Variants in RIMS2 observed in about 807,000 individuals in gnomAD.
RIMS2 encodes the protein regulating synaptic membrane exocytosis 2.
Under a neutral mutation model 174.4 loss-of-function variants are expected in RIMS2, and 59 were observed. That is an observed-to-expected ratio of 0.34 (90% CI 0.27 to 0.42). The LOEUF is 0.42. Among genes scored for constraint, RIMS2 ranks in the 10% least tolerant of loss-of-function variants. The pLI, the probability that RIMS2 is intolerant of heterozygous loss-of-function variation, is 1.00. For missense variants in RIMS2, 1,620 were observed against 1,666.3 expected, an observed-to-expected ratio of 0.97 and a Z score of 0.48; for synonymous variants, 606 against 572.5, an observed-to-expected ratio of 1.06 and a Z score of -0.84.
intron 17 of RIMS2, among the ~76,000 whole-genome samples, chr8:103,992,170 G>A (rs1016336841): frequency 2.0e-5 from 3 of 151,522 alleles, no homozygotes; most frequent in Admixed American, 2.0e-4. Flanking sequence ...GTTCAATGGC[G>A]TTTTCTCAGC....
intron 1 of RIMS2, among the ~76,000 whole-genome samples, chr8:103,572,614 G>A (rs2092916711): frequency 6.6e-6 from 1 of 151,464 alleles, no homozygotes; most frequent in Non-Finnish European, 1.5e-5. Flanking sequence ...GGTGTGAGAT[G>A]TATCTCATTG....
At chr8:104,112,845 A>C (rs1332787781) in intron 19 of RIMS2, among the ~76,000 whole-genome samples, 1 of 152,216 alleles carries the variant, frequency 6.6e-6, no homozygotes, top group Non-Finnish European at 1.5e-5. Context: ...TCCCTATTTC[A>C]GTCGTTTTTA....
chr8:103,795,426 C>T (rs994334437), intron 3 of RIMS2, among the ~76,000 whole-genome samples: 13 of 115,320 alleles, frequency 1.1e-4, no homozygotes, highest in Admixed American at 1.1e-3. Flanking sequence ...CACACTGGGG[C>T]ATGTTGTGGG....
intron 12 of RIMS2, among the ~76,000 whole-genome samples, chr8:103,934,020 G>A (rs1595425191): frequency 6.6e-6 from 1 of 152,058 alleles, no homozygotes; most frequent in African/African-American, 2.4e-5. Flanking sequence ...GTAATGTACT[G>A]TGTACTCTAA....
At chr8:103,929,484 T>C (rs2079474963) in intron 11 of RIMS2, among the ~76,000 whole-genome samples, 1 of 151,892 alleles carries the variant, frequency 6.6e-6, no homozygotes, top group South Asian at 2.1e-4. Flanking sequence ...TTCTTAAATG[T>C]AACATTTATT....
chr8:103,626,749 C>A (rs1248325896), intron 1 of RIMS2, among the ~76,000 whole-genome samples: 1 of 151,854 alleles, frequency 6.6e-6, no homozygotes, highest in Non-Finnish European at 1.5e-5. Flanking sequence ...CCGGGGGTGT[C>A]ATCACATATT....
chr8:103,946,989 G>A (rs947325568), intron 14 of RIMS2, among the ~76,000 whole-genome samples: 1 of 152,058 alleles, frequency 6.6e-6, no homozygotes, highest in African/African-American at 2.4e-5. Flanking sequence ...TCAATGGGGG[G>A]GAATAGTTTT....
chr8:104,020,706 A>T (rs993335570), intron 19 of RIMS2, among the ~76,000 whole-genome samples: 1 of 152,070 alleles, frequency 6.6e-6, no homozygotes, highest in East Asian at 1.9e-4. Flanking sequence ...GAATTATTTT[A>T]AAAACATTTT....
rs752051870 is a variant in RIMS2 at position 103,766,213 on chromosome 8, G to T, written c.388-14G>T. 4.8e-5 allele frequency: 75 copies of T among 1,573,156 alleles called. No individual in the cohort carries two copies. In the South Asian group the frequency reaches 8.6e-4, roughly 18 times the overall value. Reference sequence around the variant, plus strand: ...GGGAACACTAATTTTTTCCCCCTATGTCTTCATGTGCAGGTTATGTGGGTA... The same window carrying T: ...GGGAACACTAATTTTTTCCCCCTATTTCTTCATGTGCAGGTTATGTGGGTA... On this transcript the variant is annotated splice_polypyrimidine_tract_variant and intron_variant, in intron 2 of 23. Transcript: ENST00000504942.
chr8:103,816,917 A>T (rs550225400), intron 3 of RIMS2, among the ~76,000 whole-genome samples: 1 of 152,214 alleles, frequency 6.6e-6, no homozygotes, highest in African/African-American at 2.4e-5. Context: ...TTTTAACAGT[A>T]AATGTTGATT....
intron 1 of RIMS2, among the ~76,000 whole-genome samples, chr8:103,691,245 G>A (rs2097020574): frequency 6.6e-6 from 1 of 152,116 alleles, no homozygotes; most frequent in South Asian, 2.1e-4. Context: ...GGTTTGGGAA[G>A]TTCTCTGTTA....
chr8:103,659,462 A>T (rs1400699171), intron 1 of RIMS2, among the ~76,000 whole-genome samples: 1 of 152,202 alleles, frequency 6.6e-6, no homozygotes, highest in Non-Finnish European at 1.5e-5. Flanking sequence ...GGAAGAAGGT[A>T]GTCAAGCACA....
chr8:103,932,890 C>T (rs1309685326), intron 12 of RIMS2, among the ~76,000 whole-genome samples: 2 of 152,132 alleles, frequency 1.3e-5, no homozygotes, highest in South Asian at 2.1e-4. Context: ...GGTGTGGTGG[C>T]TCATGCCTGT....
intron 1 of RIMS2, chr8:103,568,567 G>T (rs976045826): frequency 2.0e-5 from 10 of 488,990 alleles, no homozygotes; most frequent in Non-Finnish European, 4.0e-5. Context: ...GAAGAGACTG[G>T]CCATGGGTAC....
intron 3 of RIMS2, among the ~76,000 whole-genome samples, chr8:103,863,419 A>G (rs545988437): frequency 1.3e-5 from 2 of 152,046 alleles, no homozygotes; most frequent in South Asian, 4.2e-4. Context: ...TTCTTGTGGT[A>G]TGTCTGCCAG....
chr8:103,737,315 C>T (rs1222982375), intron 2 of RIMS2, among the ~76,000 whole-genome samples: 1 of 150,948 alleles, frequency 6.6e-6, no homozygotes, highest in Non-Finnish European at 1.5e-5. Context: ...TCCTGAGTAG[C>T]TGGGATTACA....
intron 1 of RIMS2, among the ~76,000 whole-genome samples, chr8:103,570,692 T>C (rs973711173): frequency 1.6e-4 from 24 of 152,172 alleles, no homozygotes; most frequent in Non-Finnish European, 1.9e-4. Flanking sequence ...GAATTAATGT[T>C]TCTACCTGCA....
At chr8:103,897,049 A>T (rs939535170) in intron 4 of RIMS2, among the ~76,000 whole-genome samples, 1 of 151,694 alleles carries the variant, frequency 6.6e-6, no homozygotes, top group Non-Finnish European at 1.5e-5. Context: ...GCTTTAAAGC[A>T]TGATACATAC....
intron 2 of RIMS2, among the ~76,000 whole-genome samples, chr8:103,750,859 C>G (rs1348386982): frequency 6.6e-6 from 1 of 152,114 alleles, no homozygotes; most frequent in Non-Finnish European, 1.5e-5. Context: ...ATAAATTACC[C>G]AGCGATATGC....
Sources: gnomAD v4.1 joint callset for allele counts (sites outside exome capture counted in the v4.1 genomes callset) on GRCh38, gnomAD v4.1.1 for gene constraint, MANE v1.5 for transcripts, NCBI Gene and HGNC (gene_info 2026-07-23, HGNC 2026-07-21) for gene names.